The following SERBP1 variants were observed in gnomAD, a reference collection of about 807,000 sequenced individuals.
The protein encoded by SERBP1 is SERPINE1 mRNA binding protein 1.
A neutral mutation model predicts 50.2 loss-of-function variants in SERBP1; 6 were observed. The observed-to-expected ratio is 0.12, with a 90% CI of 0.07 to 0.24. SERBP1 has a LOEUF of 0.24. Ranked by LOEUF, SERBP1 falls within the 10% of genes least tolerant of loss-of-function variation. The pLI is 1.00. For missense variants in SERBP1, 346 were observed against 524.9 expected, an observed-to-expected ratio of 0.66 and a Z score of 3.33; for synonymous variants, 168 against 182.8, an observed-to-expected ratio of 0.92 and a Z score of 0.65.
chr1:67,424,143 G>C (rs201822444), intron 5 of SERBP1, 57 bp downstream of exon 5: 71 of 1,533,818 alleles, frequency 4.6e-5, no homozygotes, highest in Non-Finnish European at 6.1e-5. Flanking sequence ...TATCTTATTG[G>C]TAAAACTCCA....
At chr1:67,423,418 G>A (rs1477153000) in intron 5 of SERBP1, among the ~76,000 whole-genome samples, 1 of 151,964 alleles carries the variant, frequency 6.6e-6, no homozygotes, top group Non-Finnish European at 1.5e-5. Context: ...ACCAGCCTGG[G>A]CAAAATGGTG....
chr1:67,409,707 G>A lies in SERBP1; in HGVS notation c.*3500C>T, dbSNP rs1297256718. 6.6e-6 allele frequency: 1 copy of A among 152,170 alleles called. No homozygotes were observed. Among genetic ancestry groups the A allele is most frequent in the Non-Finnish European group, 1.5e-5 (1 of 68,030 alleles). The allele number at this position is 152,170 out of a possible 1,614,324, so 9.4% of individuals were successfully genotyped here. ...TTTGAACTTAAAAGTCAAGGAAGATGAAGAGGTAATCCCAGGGCACAGCTT... is the reference window on the plus strand; with the variant it reads ...TTTGAACTTAAAAGTCAAGGAAGATAAAGAGGTAATCCCAGGGCACAGCTT... On this transcript the variant is annotated 3_prime_UTR_variant, in exon 8 of 8. Coordinates refer to ENST00000361219, the MANE Select transcript of SERBP1 (RefSeq NM_001018069.2).
intron 6 of SERBP1, among the ~76,000 whole-genome samples, chr1:67,417,760 C>T (rs904844361): frequency 5.3e-5 from 8 of 152,062 alleles, no homozygotes; most frequent in Non-Finnish European, 1.0e-4. Context: ...ATCTGCCCAC[C>T]TCAGCCTCCC....
intron 5 of SERBP1, among the ~76,000 whole-genome samples, chr1:67,421,225 G>C (rs1209781856): frequency 1.3e-5 from 2 of 152,020 alleles, no homozygotes; most frequent in African/African-American, 2.4e-5. Context: ...TCATTTTACA[G>C]ATGAGAAATC....
chr1:67,419,913 C>A, intron 6 of SERBP1, 96 bp downstream of exon 6: 1 of 1,077,238 alleles, frequency 9.3e-7, no homozygotes, highest in Non-Finnish European at 1.4e-6. Flanking sequence ...AAAGCTTTAA[C>A]AGACAAATAA....
intron 5 of SERBP1, among the ~76,000 whole-genome samples, chr1:67,423,151 T>C (rs1231648283): frequency 1.3e-5 from 2 of 149,912 alleles, no homozygotes; most frequent in Non-Finnish European, 3.0e-5. Context: ...TATAAAAAAT[T>C]AGCCAGGCAT....
chr1:67,409,470 A>G lies in SERBP1; in HGVS notation c.*3737T>C, dbSNP rs1223041794. The G allele has an allele frequency of 6.6e-6, 1 of 151,630 alleles. No homozygotes were observed. Among genetic ancestry groups the G allele is most frequent in the African/African-American group, 2.4e-5 (1 of 41,178 alleles). 9.4% of individuals were successfully genotyped at this position (151,630 alleles called of 1,614,324 possible). Reference sequence around the variant, plus strand: ...TGAACTTTGCTGACCCCTGGCTTACATACAGCATCTCATTTAAATGGCGCT... The same window carrying G: ...TGAACTTTGCTGACCCCTGGCTTACGTACAGCATCTCATTTAAATGGCGCT... On this transcript the variant is annotated 3_prime_UTR_variant, in exon 8 of 8. Transcript: ENST00000361219.
In SERBP1 at chr1:67,408,707, A is replaced by G. The variant is rs1235124581; in HGVS notation, c.*4500T>C. 1 of 152,176 alleles carries G rather than the reference A, an allele frequency of 6.6e-6. No homozygotes were observed. The highest frequency in any genetic ancestry group is 1.5e-5 in the Non-Finnish European group (1 of 68,024). The allele number at this position is 152,176 out of a possible 1,614,324, so 9.4% of individuals were successfully genotyped here. On this transcript the variant is annotated 3_prime_UTR_variant, in exon 8 of 8. Coordinates refer to ENST00000361219, the MANE Select transcript of SERBP1 (RefSeq NM_001018069.2). ...TCTTTGCACAACGCAAAGGACTTACACAAAGGGATCTGAGTCACTAAATGT... is the reference window on the plus strand; with the variant it reads ...TCTTTGCACAACGCAAAGGACTTACGCAAAGGGATCTGAGTCACTAAATGT...
chr1:67,415,138 G>A (rs1396295987), intron 7 of SERBP1, 28 bp downstream of exon 7: 3 of 1,545,888 alleles, frequency 1.9e-6, no homozygotes, highest in East Asian at 2.3e-5. Flanking sequence ...CTTAAATTAT[G>A]TAAAAGGAAA....
chr1:67,417,971 G>GTTTTTTTT (rs397861816), intron 6 of SERBP1, among the ~76,000 whole-genome samples: 61 of 76,814 alleles, frequency 7.9e-4, no homozygotes, highest in South Asian at 1.1e-3. Flanking sequence ...TTAAAGTGTT[G>GTTTTTTTT]TTTTTTTTTT....
Position 67,428,064 on chromosome 1 carries a change from C to G in SERBP1, c.314-1779G>C, listed in dbSNP as rs189907485. On this transcript the variant is annotated intron_variant, in intron 1 of 7. Coordinates refer to ENST00000361219, the MANE Select transcript of SERBP1 (RefSeq NM_001018069.2). Reference sequence around the variant, plus strand: ...ATCAGGTTAACCTTCCTACTACATGCAGCGACTTTGTTTACAGATTTATTC... The same window carrying G: ...ATCAGGTTAACCTTCCTACTACATGGAGCGACTTTGTTTACAGATTTATTC... 9.9e-4 allele frequency among the ~76,000 whole-genome samples: 151 copies of G among 152,336 alleles called. 2 individuals carry two copies. Among genetic ancestry groups the G allele is most frequent in the Non-Finnish European group, 9.8e-4 (67 of 68,022 alleles).
rs762945847 is a variant in SERBP1 at position 67,415,172 on chromosome 1, G to A, written c.1119C>T (p.Thr373=). The A allele has an allele frequency of 1.4e-5, 22 of 1,580,436 alleles. No individual in the cohort carries two copies. Among genetic ancestry groups the A allele is most frequent in the East Asian group, 2.3e-5 (1 of 44,164 alleles). The change falls in exon 7 of 8, where the codon ACC becomes ACT. Residue 373 remains threonine (T), a synonymous_variant. Transcript: ENST00000361219. ...RGGRPNRGSR[T]DKSSASAPDV... is the part of the protein sequence containing the mutation. Reference sequence around the variant, plus strand: ...AAAGAAAGTCTTAAATTACCTTGTCGGTCCTGCTGCCACGGTTTGGGCGCC... The same window carrying A: ...AAAGAAAGTCTTAAATTACCTTGTCAGTCCTGCTGCCACGGTTTGGGCGCC...
intron 7 of SERBP1, among the ~76,000 whole-genome samples, chr1:67,414,091 A>C (rs1666928056): frequency 6.6e-6 from 1 of 152,224 alleles, no homozygotes. Context: ...CGCCCAGCCC[A>C]GTTGTTTTAC....
At chr1:67,424,438 A>G in intron 4 of SERBP1, 161 bp from the exon 5 acceptor site, 1 of 889,556 alleles carries the variant, frequency 1.1e-6, no homozygotes, top group Non-Finnish European at 1.7e-6. Flanking sequence ...TACTAAATAT[A>G]CTCCCCAGAA....
rs1405386779 is a variant in SERBP1 at position 67,410,447 on chromosome 1, A to T, written c.*2760T>A. On this transcript the variant is annotated 3_prime_UTR_variant, in exon 8 of 8. Coordinates refer to ENST00000361219, the MANE Select transcript of SERBP1 (RefSeq NM_001018069.2). ...TACAACCCTGGAAATGATGTGTACT[A>T]CTTTTATTTAAAAAAATAAGAGTAA... The T allele has an allele frequency of 2.0e-5, 3 of 152,172 alleles. No individual in the cohort carries two copies. The East Asian group carries it at 5.8e-4, about 29-fold the overall frequency. The allele number at this position is 152,172 out of a possible 1,614,324, so 9.4% of individuals were successfully genotyped here.
chr1:67,430,001 C>T lies in SERBP1; in HGVS notation c.300G>A (p.Ala100=), dbSNP rs774454009. 19 of 1,608,730 alleles carry T rather than the reference C, an allele frequency of 1.2e-5. No individual in the cohort carries two copies. The highest frequency in any genetic ancestry group is 1.5e-5 in the Non-Finnish European group (18 of 1,177,626). Residue 100 remains alanine (A), a synonymous_variant, in exon 1 of 8, where the codon GCG becomes GCA. Coordinates refer to ENST00000361219, the MANE Select transcript of SERBP1 (RefSeq NM_001018069.2). ...CCCCTGCTTTACCTTCTTTCTTAAG[C>T]GCCACGGGCGGCTGCGTCTCCTCTT... The part of the protein sequence containing the change: ...DKKEETQPPV[A]LKKEGIRRVG...
chr1:67,423,212 T>C (rs1570297527), intron 5 of SERBP1, among the ~76,000 whole-genome samples: 1 of 151,514 alleles, frequency 6.6e-6, no homozygotes, highest in Non-Finnish European at 1.5e-5. Flanking sequence ...GGCAGGAGAA[T>C]CGCGTGAACC....
In SERBP1 at chr1:67,424,934, C is replaced by G. The variant is rs749462090; in HGVS notation, c.649G>C (p.Gly217Arg). 3 of 1,612,790 alleles carry G rather than the reference C, an allele frequency of 1.9e-6. No homozygotes were observed. Among genetic ancestry groups the G allele is most frequent in the Non-Finnish European group, 2.5e-6 (3 of 1,179,894 alleles). ...CCCCAGTTGTGAGATCCGCTACCTC[C>G]ACGTTTGTCCTCGTGCTTCAGGCCA... ...YSGLKHEDKR[G>R]GSGSHNWGTV... The change falls in exon 4 of 8, where the codon GGA becomes CGA. Residue 217 changes from glycine to arginine, a missense_variant. Gly to Arg is a moderately radical substitution (Grantham distance 125). Transcript: ENST00000361219.
chr1:67,424,946 C>G lies in SERBP1; in HGVS notation c.637G>C (p.Glu213Gln), dbSNP rs1207523320. 6.2e-7 allele frequency: 1 copy of G among 1,612,958 alleles called. No homozygotes were observed. Reference protein sequence around the residue: ...SFSHYSGLKHEDKRGGSGSHN... With the variant: ...SFSHYSGLKHQDKRGGSGSHN... Reference sequence around the variant, plus strand: ...GATCCGCTACCTCCACGTTTGTCCTCGTGCTTCAGGCCACTGTAATGTGAA... The same window carrying G: ...GATCCGCTACCTCCACGTTTGTCCTGGTGCTTCAGGCCACTGTAATGTGAA... The change falls in exon 4 of 8, where the codon GAG (glutamate) becomes CAG (glutamine). Residue 213 changes from glutamate to glutamine, a missense_variant. Physicochemically the swap from Glu to Gln is conservative, Grantham distance 29. This residue lies in a region of SERBP1 where 257 missense variants were observed against 331.2 expected (regional missense o/e 0.78). Coordinates refer to ENST00000361219, the MANE Select transcript of SERBP1 (RefSeq NM_001018069.2).
Sources: gnomAD v4.1 joint callset for allele counts (sites outside exome capture counted in the v4.1 genomes callset) on GRCh38, gnomAD v4.1.1 for gene constraint, gnomAD v4.1.1 regional missense constraint, MANE v1.5 for transcripts, NCBI Gene and HGNC (gene_info 2026-07-23, HGNC 2026-07-21) for gene names.